Variants in B3GALNT2 observed in about 807,000 individuals in gnomAD.
B3GALNT2 encodes beta-1,3-N-acetylgalactosaminyltransferase 2.
A neutral mutation model predicts 61.1 loss-of-function variants in B3GALNT2; 53 were observed. The observed-to-expected ratio is 0.87, with a 90% CI of 0.70 to 1.09. The LOEUF (loss-of-function observed/expected upper bound fraction) is 1.09, where lower values mean the gene tolerates loss of function less well. Ranked by LOEUF, B3GALNT2 falls within the 50% of genes least tolerant of loss-of-function variation. The probability of loss-of-function intolerance (pLI) is 0.00; values close to 1 mark genes in which losing one functional copy is unlikely to be tolerated. For synonymous variants in B3GALNT2, 223 were observed against 237.4 expected (o/e 0.94, Z 0.56); for missense variants, 544 against 623.0 (o/e 0.87, Z 1.35).
intron 1 of B3GALNT2, among the ~76,000 whole-genome samples, chr1:235,503,636 C>T (rs991401176): frequency 1.3e-5 from 2 of 152,202 alleles, no homozygotes; most frequent in African/African-American, 4.8e-5. Context: ...TATATTCTTA[C>T]AGCAAAGTTA....
intron 3 of B3GALNT2, among the ~76,000 whole-genome samples, chr1:235,488,547 T>A (rs1002678209): frequency 6.6e-6 from 1 of 151,142 alleles, no homozygotes. Flanking sequence ...CCAGGCGCAG[T>A]GGTGGTAGCC....
chr1:235,476,694 T>C (rs1684298760), intron 5 of B3GALNT2, among the ~76,000 whole-genome samples: 1 of 151,098 alleles, frequency 6.6e-6, no homozygotes. Flanking sequence ...TACTAAAAAA[T>C]ACAAAAATTA....
the B3GALNT2 span, among the ~76,000 whole-genome samples, chr1:235,440,402 A>T: frequency 0.52 from 78,809 of 151,518 alleles, 20,631 homozygotes; most frequent in East Asian, 0.63. Flanking sequence ...ATATATATAT[A>T]TTTTTTTGAG....
chr1:235,482,112 T>A (rs954828027), intron 4 of B3GALNT2, among the ~76,000 whole-genome samples: 2 of 152,180 alleles, frequency 1.3e-5, no homozygotes, highest in African/African-American at 4.8e-5. Flanking sequence ...AATTCTCCTA[T>A]AGATAGTAAC....
At chr1:235,490,420 G>A (rs917378256) in intron 2 of B3GALNT2, among the ~76,000 whole-genome samples, 14 of 152,018 alleles carry the variant, frequency 9.2e-5, no homozygotes, top group Admixed American at 5.2e-4. Context: ...TAGTAGAGAC[G>A]GGATTTCACC....
chr1:235,464,579 C>A (rs1399014455), intron 7 of B3GALNT2: 1 of 151,460 alleles, frequency 6.6e-6, no homozygotes, highest in Non-Finnish European at 1.5e-5. Flanking sequence ...TATGACAAAA[C>A]CCTGTCTCTA....
chr1:235,468,731 G>A (rs571276007), intron 6 of B3GALNT2, among the ~76,000 whole-genome samples: 4 of 152,070 alleles, frequency 2.6e-5, no homozygotes, highest in East Asian at 1.9e-4. Context: ...GATTACAGGC[G>A]TGAGCCACCG....
At chr1:235,458,557 C>A in intron 8 of B3GALNT2, 46 bp downstream of exon 8, 17 of 1,468,366 alleles carry the variant, frequency 1.2e-5, no homozygotes, top group South Asian at 3.1e-5. Flanking sequence ...AAAAAAAAAA[C>A]TAACAATAAA....
intron 5 of B3GALNT2, among the ~76,000 whole-genome samples, chr1:235,474,985 ATAT>A (rs1374721855): frequency 7.7e-4 from 29 of 37,774 alleles, no homozygotes; most frequent in Non-Finnish European, 1.0e-3. Flanking sequence ...ATATATATAT[ATAT>A]TTTTTTTTTT....
intron 7 of B3GALNT2, 27 bp downstream of exon 7, chr1:235,465,607 ACT>A: frequency 6.2e-7 from 1 of 1,612,372 alleles, no homozygotes; most frequent in Non-Finnish European, 8.5e-7. Flanking sequence ...CATTCAGTGT[ACT>A]TTTCAAGTTT....
At chr1:235,460,949 C>T (rs1233823502) in intron 7 of B3GALNT2, among the ~76,000 whole-genome samples, 5 of 152,166 alleles carry the variant, frequency 3.3e-5, no homozygotes, top group Admixed American at 6.5e-5. Context: ...TGCCACTTCA[C>T]AAGTTAATGA....
the B3GALNT2 span, among the ~76,000 whole-genome samples, chr1:235,440,546 C>A: frequency 3.6e-4 from 55 of 152,266 alleles, no homozygotes; most frequent in African/African-American, 1.0e-3. Flanking sequence ...GCGTCTGCCA[C>A]CATGCCCGGC....
intron 5 of B3GALNT2, among the ~76,000 whole-genome samples, chr1:235,474,989 T>A (rs1321233269): frequency 8.1e-3 from 258 of 31,852 alleles, no homozygotes; most frequent in Middle Eastern, 0.018. Context: ...ATATATATAT[T>A]TTTTTTTTTT....
chr1:235,497,134 T>C (rs915778412), intron 1 of B3GALNT2, among the ~76,000 whole-genome samples: 2 of 152,204 alleles, frequency 1.3e-5, no homozygotes, highest in Non-Finnish European at 2.9e-5. Flanking sequence ...TACATAACTA[T>C]ATGATGGAAG....
At chr1:235,445,446 T>C (rs757507956), downstream of B3GALNT2, among the ~76,000 whole-genome samples, 2 of 152,124 alleles carry the variant, frequency 1.3e-5, no homozygotes, top group Non-Finnish European at 2.9e-5. Context: ...CTGAGCAACA[T>C]GGTGAAACCC....
Position 235,448,880 on chromosome 1 carries a change from A to G in B3GALNT2, c.*1326T>C. ...ACAAAGGGGGTTTACAACTTGTCCT[A>G]AGTATAACAAGGGATGTATTTTTTG... On this transcript the variant is annotated 3_prime_UTR_variant, in exon 12 of 12. Coordinates refer to ENST00000366600, the MANE Select transcript of B3GALNT2 (RefSeq NM_152490.5). 2.6e-6 allele frequency: 2 copies of G among 775,746 alleles called. No individual in the cohort carries two copies. Among genetic ancestry groups the G allele is most frequent in the South Asian group, 2.9e-5 (2 of 68,976 alleles). 48.1% of individuals were successfully genotyped at this position (775,746 alleles called of 1,614,324 possible). A position where few individuals can be genotyped will look rare whatever the true frequency, so the allele number is the denominator to read the frequency against.
intron 10 of B3GALNT2, among the ~76,000 whole-genome samples, chr1:235,453,674 TA>T (rs1683034968): frequency 6.6e-6 from 1 of 152,152 alleles, no homozygotes. Flanking sequence ...TTTGAACTCC[TA>T]ACCTCACGTG....
intron 2 of B3GALNT2, among the ~76,000 whole-genome samples, chr1:235,489,618 C>A (rs1019119966): frequency 2.6e-5 from 4 of 152,192 alleles, no homozygotes; most frequent in Admixed American, 6.5e-5. Flanking sequence ...TCCTTTGCTG[C>A]CTTCTTCTAT....
chr1:235,461,298 T>C (rs1334200995), intron 7 of B3GALNT2, among the ~76,000 whole-genome samples: 1 of 152,146 alleles, frequency 6.6e-6, no homozygotes, highest in Non-Finnish European at 1.5e-5. Flanking sequence ...ATTCAATCAG[T>C]GATTCTTGGG....
Sources: allele counts gnomAD v4.1 joint callset (sites outside exome capture counted in the v4.1 genomes callset), GRCh38; gene constraint gnomAD v4.1.1; transcripts MANE v1.5; gene names NCBI Gene and HGNC (gene_info 2026-07-23, HGNC 2026-07-21).